Variants in COMT observed in about 807,000 individuals in gnomAD.
COMT encodes the protein catechol O-methyltransferase.
A neutral mutation model predicts 18.9 loss-of-function variants in COMT; 13 were observed. That is an observed-to-expected ratio of 0.69 (90% CI 0.45 to 1.09). COMT has a LOEUF of 1.09. COMT is among the 50% of genes least tolerant of loss of function. The probability of loss-of-function intolerance (pLI) is 0.00; values close to 1 mark genes in which losing one functional copy is unlikely to be tolerated. For missense variants in COMT, 329 were observed against 361.8 expected, an observed-to-expected ratio of 0.91 and a Z score of 0.73; for synonymous variants, 150 against 160.9, an observed-to-expected ratio of 0.93 and a Z score of 0.51.
intron 1 of COMT, among the ~76,000 whole-genome samples, chr22:19,949,435 C>G (rs898638682): frequency 6.6e-6 from 1 of 152,148 alleles, no homozygotes; most frequent in African/African-American, 2.4e-5. Context: ...AAAATTACAT[C>G]CCTTTCTTTA....
Position 19,968,671 on chromosome 22 carries a change from A to AG in COMT, c.754dup (p.Glu252GlyfsTer55), listed in dbSNP as rs1438753897. 2 of 1,613,860 alleles carry AG rather than the reference A, an allele frequency of 1.2e-6. No homozygotes were observed. The highest frequency in any genetic ancestry group is 1.7e-6 in the Non-Finnish European group (2 of 1,179,998). The stretch of plus-strand genomic sequence containing the variant: ...ACACTACCAATCGTTCCTGGAATAC[A>AG]GGGAGGTGGTGGACGGCCTGGAGAA... On this transcript the variant is annotated frameshift_variant, in exon 6 of 6. Coordinates refer to ENST00000361682, the MANE Select transcript of COMT (RefSeq NM_000754.4). LOFTEE classifies it low-confidence loss of function (END_TRUNC).
At chr22:19,964,786 G>C in intron 5 of COMT, 1 of 363,062 alleles carries the variant, frequency 2.8e-6, no homozygotes, top group Non-Finnish European at 5.2e-6. Context: ...TGAGTGCCCC[G>C]AGTGAGGCTA....
At chr22:19,963,080 G>T (rs1281277000) in intron 3 of COMT, among the ~76,000 whole-genome samples, 1 of 152,156 alleles carries the variant, frequency 6.6e-6, no homozygotes. Flanking sequence ...CTTGAACTCT[G>T]TTCTGGCCAC....
chr22:19,956,140 T>TTTTTCC (rs1942054962), intron 1 of COMT, among the ~76,000 whole-genome samples: 1 of 104,526 alleles, frequency 9.6e-6, no homozygotes, highest in Non-Finnish European at 1.9e-5. Context: ...TTTTTTTCTT[T>TTTTTCC]TTTTTTTTTT....
intron 1 of COMT, among the ~76,000 whole-genome samples, chr22:19,954,387 A>T (rs1942015659): frequency 6.6e-6 from 1 of 152,054 alleles, no homozygotes; most frequent in Admixed American, 6.5e-5. Flanking sequence ...CTTTGTTGCA[A>T]CTGCTCACCT....
chr22:19,963,580 G>A lies in COMT; in HGVS notation c.304G>A (p.Ala102Thr), dbSNP rs5031015. ...VGDKKGKIVD[A>T]VIQEHQPSVL... ...ACCCTGCACAGGCAAGATCGTGGACGCCGTGATTCAGGAGCACCAGCCCTC... is the reference window on the plus strand; with the variant it reads ...ACCCTGCACAGGCAAGATCGTGGACACCGTGATTCAGGAGCACCAGCCCTC... Residue 102 changes from alanine (A) to threonine (T), a missense_variant, in exon 4 of 6, where the codon GCC becomes ACC. By Grantham distance (58) the Ala-to-Thr change is moderately conservative (BLOSUM62 0). Coordinates refer to ENST00000361682, the MANE Select transcript of COMT (RefSeq NM_000754.4). The A allele has an allele frequency of 4.8e-4, 773 of 1,612,452 alleles. 1 individual carries two copies. The African/African-American group carries it at 7.9e-3, about 16-fold the overall frequency.
intron 1 of COMT, chr22:19,950,982 C>T (rs543616885): frequency 6.6e-6 from 1 of 152,372 alleles, no homozygotes; most frequent in African/African-American, 2.4e-5. Flanking sequence ...GGCAAGACAG[C>T]TCCACCAGGA....
intron 1 of COMT, among the ~76,000 whole-genome samples, chr22:19,959,391 C>T (rs1480915168): frequency 6.6e-6 from 1 of 152,242 alleles, no homozygotes; most frequent in Non-Finnish European, 1.5e-5. Context: ...CGTGATCCCA[C>T]CCTCCTCCGT....
At chr22:19,953,176 G>A (rs924071255) in intron 1 of COMT, among the ~76,000 whole-genome samples, 2 of 152,110 alleles carry the variant, frequency 1.3e-5, no homozygotes, top group Non-Finnish European at 2.9e-5. Flanking sequence ...CGCTGGGGGT[G>A]GGGCTGCCAC....
intron 1 of COMT, among the ~76,000 whole-genome samples, chr22:19,952,307 A>C (rs1941955767): frequency 6.7e-6 from 1 of 150,062 alleles, no homozygotes; most frequent in African/African-American, 2.5e-5. Context: ...ACGCCACTGC[A>C]CTCCCGCCTG....
At chr22:19,952,399 G>A (rs186818577) in intron 1 of COMT, among the ~76,000 whole-genome samples, 20 of 152,284 alleles carry the variant, frequency 1.3e-4, no homozygotes, top group African/African-American at 4.8e-4. Context: ...CAGCACTTTG[G>A]GAGGCCAAGG....
intron 5 of COMT, 86 bp from the exon 6 acceptor site, chr22:19,968,450 C>A: frequency 7.5e-7 from 1 of 1,340,370 alleles, no homozygotes; most frequent in Non-Finnish European, 1.0e-6. Flanking sequence ...GTGCCGTGGC[C>A]TAGTGAGGAG....
chr22:19,952,906 G>A (rs922122689), intron 1 of COMT, among the ~76,000 whole-genome samples: 11 of 151,778 alleles, frequency 7.2e-5, no homozygotes, highest in Non-Finnish European at 1.6e-4. Flanking sequence ...AGCCGAGATC[G>A]CGCCACTGCA....
chr22:19,956,987 G>T (rs1196309910), intron 1 of COMT, among the ~76,000 whole-genome samples: 1 of 148,166 alleles, frequency 6.7e-6, no homozygotes, highest in Non-Finnish European at 1.5e-5. Context: ...GTCTCACTCT[G>T]TTACCCAGGC....
Position 19,962,794 on chromosome 22 carries a change from A to G in COMT, c.268A>G (p.Met90Val), listed in dbSNP as rs373611092. ...CTACTGCGAGCAGAAGGAGTGGGCCATGAACGTGGGCGACAAGAAAGGTGG... is the reference window on the plus strand; with the variant it reads ...CTACTGCGAGCAGAAGGAGTGGGCCGTGAACGTGGGCGACAAGAAAGGTGG... ...DTYCEQKEWA[M>V]NVGDKKGKIV... The change falls in exon 3 of 6, where the codon ATG (methionine) becomes GTG (valine). Residue 90 changes from methionine (M) to valine (V), a missense_variant. By Grantham distance (21) the Met-to-Val change is conservative (BLOSUM62 1). Coordinates refer to ENST00000361682, the MANE Select transcript of COMT (RefSeq NM_000754.4). 1.7e-5 allele frequency: 27 copies of G among 1,605,992 alleles called. No individual in the cohort carries two copies. The East Asian group carries it at 5.8e-4, about 35-fold the overall frequency.
intron 3 of COMT, chr22:19,963,200 G>A (rs181950583): frequency 7.3e-4 from 354 of 485,130 alleles, no homozygotes; most frequent in African/African-American, 6.3e-3. Flanking sequence ...GTGACTCAGG[G>A]AACTAGTGCC....
intron 1 of COMT, among the ~76,000 whole-genome samples, chr22:19,956,137 CTTTTTTTTTT>C (rs71186638): frequency 1.2e-5 from 1 of 84,820 alleles, no homozygotes; most frequent in South Asian, 4.3e-4. Context: ...TTCTTTTTTT[CTTTTTTTTTT>C]TTTTTTTTTT....
intron 1 of COMT, among the ~76,000 whole-genome samples, chr22:19,958,160 T>C (rs1199575542): frequency 8.2e-6 from 1 of 121,402 alleles, no homozygotes; most frequent in Non-Finnish European, 1.7e-5. Flanking sequence ...GTGCATAGCA[T>C]GTTTAATTTT....
intron 1 of COMT, among the ~76,000 whole-genome samples, chr22:19,946,634 T>C (rs542400374): frequency 4.6e-5 from 7 of 152,244 alleles, no homozygotes; most frequent in Non-Finnish European, 8.8e-5. Flanking sequence ...AGTAAAACTC[T>C]AATGACAAAA....
Sources: allele counts gnomAD v4.1 joint callset (sites outside exome capture counted in the v4.1 genomes callset), GRCh38; gene constraint gnomAD v4.1.1; transcripts MANE v1.5; gene names NCBI Gene and HGNC (gene_info 2026-07-23, HGNC 2026-07-21).